Variants in MAP4K3 observed in about 807,000 individuals in gnomAD.
MAP4K3 encodes the protein mitogen-activated protein kinase kinase kinase kinase 3, also known as MAPK/ERK kinase kinase kinase 3.
A neutral mutation model predicts 143.5 loss-of-function variants in MAP4K3; 94 were observed. That is an observed-to-expected ratio of 0.65 (90% CI 0.55 to 0.78). The LOEUF (loss-of-function observed/expected upper bound fraction) is 0.78, where lower values mean the gene tolerates loss of function less well. MAP4K3 is among the 30% of genes least tolerant of loss of function. The probability of loss-of-function intolerance (pLI) is 0.00; values close to 1 mark genes in which losing one functional copy is unlikely to be tolerated. For missense variants in MAP4K3, 1,077 were observed against 1,068.1 expected (o/e 1.01, Z -0.12); for synonymous variants, 416 against 347.2 (o/e 1.20, Z -2.20).
At chr2:39,263,239 T>C (rs1680635082) in intron 28 of MAP4K3, among the ~76,000 whole-genome samples, 1 of 151,938 alleles carries the variant, frequency 6.6e-6, no homozygotes, top group African/African-American at 2.4e-5. Flanking sequence ...ATAGAAATAA[T>C]GTTAAATATG....
intron 8 of MAP4K3, among the ~76,000 whole-genome samples, chr2:39,327,669 C>A (rs1326474031): frequency 6.6e-6 from 1 of 152,188 alleles, no homozygotes; most frequent in Non-Finnish European, 1.5e-5. Context: ...AACCCCTGGT[C>A]TTAAAATCTT....
At chr2:39,408,483 T>C (rs1191599057) in intron 1 of MAP4K3, among the ~76,000 whole-genome samples, 3 of 152,276 alleles carry the variant, frequency 2.0e-5, no homozygotes, top group Admixed American at 6.5e-5. Flanking sequence ...AATTTCATCA[T>C]TGAAGATATA....
intron 1 of MAP4K3, among the ~76,000 whole-genome samples, chr2:39,412,195 G>GT (rs1183825801): frequency 9.2e-5 from 14 of 152,188 alleles, no homozygotes; most frequent in Admixed American, 9.2e-4. Context: ...GGCAAAATCA[G>GT]TAACAGCTAG....
intron 1 of MAP4K3, among the ~76,000 whole-genome samples, chr2:39,407,242 A>T (rs921184757): frequency 6.6e-6 from 1 of 152,220 alleles, no homozygotes; most frequent in African/African-American, 2.4e-5. Flanking sequence ...CATATGAAAA[A>T]GACCTAAAGC....
intron 12 of MAP4K3, among the ~76,000 whole-genome samples, chr2:39,324,180 A>G (rs7574250): frequency 0.89 from 135,385 of 152,178 alleles, 60,428 homozygotes; most frequent in Non-Finnish European, 0.92. Flanking sequence ...AGGCCGAGGC[A>G]GGCAGATCAC....
chr2:39,409,783 T>A (rs1667189071), intron 1 of MAP4K3, among the ~76,000 whole-genome samples: 1 of 152,218 alleles, frequency 6.6e-6, no homozygotes, highest in African/African-American at 2.4e-5. Flanking sequence ...GGAATCTCTG[T>A]TTATGTTACA....
At position 39,392,765 on chromosome 2, in the gene MAP4K3, G is replaced by T. The variant is rs183758278; in HGVS notation, c.97-14642C>A. The stretch of plus-strand genomic sequence containing the variant: ...GGTTGTTTATCTTGAGACTGAGTTG[G>T]TTATAAAAGTGAGTTTGGCTCCCTT... On this transcript the variant is annotated intron_variant, in intron 1 of 33. Coordinates refer to ENST00000263881, the MANE Select transcript of MAP4K3 (RefSeq NM_003618.4). 4.9e-3 allele frequency among the ~76,000 whole-genome samples: 741 copies of T among 152,274 alleles called. 10 individuals carry two copies. Among genetic ancestry groups the T allele is most frequent in the African/African-American group, 0.017 (706 of 41,560 alleles).
chr2:39,261,614 G>A (rs1680571499), intron 28 of MAP4K3, among the ~76,000 whole-genome samples: 1 of 152,078 alleles, frequency 6.6e-6, no homozygotes, highest in Non-Finnish European at 1.5e-5. Context: ...TTAGGACCTT[G>A]CAATAATACT....
intron 28 of MAP4K3, 74 bp from the exon 29 acceptor site, chr2:39,260,851 C>A: frequency 1.0e-6 from 1 of 987,434 alleles, no homozygotes. Context: ...TACTATAAAA[C>A]AGCTTTCTAC....
chr2:39,424,195 C>T (rs566820024), intron 1 of MAP4K3, among the ~76,000 whole-genome samples: 5 of 152,172 alleles, frequency 3.3e-5, no homozygotes, highest in Non-Finnish European at 7.3e-5. Flanking sequence ...CCACCCGCCT[C>T]GGCCTCCCAA....
At chr2:39,342,768 T>C (rs965556404) in intron 4 of MAP4K3, among the ~76,000 whole-genome samples, 1 of 151,976 alleles carries the variant, frequency 6.6e-6, no homozygotes, top group Non-Finnish European at 1.5e-5. Flanking sequence ...AGAAAAAAGG[T>C]CCACAATATT....
chr2:39,399,400 A>G (rs1465418346), intron 1 of MAP4K3, among the ~76,000 whole-genome samples: 1 of 152,204 alleles, frequency 6.6e-6, no homozygotes, highest in Non-Finnish European at 1.5e-5. Flanking sequence ...CCTTCAATCC[A>G]GTCAAAGAAT....
chr2:39,352,172 T>C (rs1665479756), intron 3 of MAP4K3, among the ~76,000 whole-genome samples: 1 of 152,068 alleles, frequency 6.6e-6, no homozygotes, highest in South Asian at 2.1e-4. Context: ...GCGCCCGTAA[T>C]CCCAGCTACT....
chr2:39,387,040 C>T (rs769721712), intron 1 of MAP4K3, among the ~76,000 whole-genome samples: 23 of 152,142 alleles, frequency 1.5e-4, no homozygotes, highest in Non-Finnish European at 3.1e-4. Context: ...TCGCCAACTC[C>T]TGACCTCAAG....
rs55967570 is a variant in MAP4K3, at chr2:39,368,305, A to G, written c.154+9761T>C. Among the ~76,000 whole-genome samples the G allele has an allele frequency of 8.7e-3, 1,328 of 151,978 alleles. 20 individuals carry two copies. The highest frequency in any genetic ancestry group is 0.03 in the African/African-American group (1,236 of 41,424). Reference sequence around the variant, plus strand: ...CACGGTGTAGATTTTAAGGGAAGTGAAGAATACAATGGGCAAAAAATTTTC... The same window carrying G: ...CACGGTGTAGATTTTAAGGGAAGTGGAGAATACAATGGGCAAAAAATTTTC... On this transcript the variant is annotated intron_variant, in intron 2 of 33. Transcript: ENST00000263881.
rs751314409 is a variant in MAP4K3 at position 39,436,999 on chromosome 2, G to C, written c.-12C>G. ...AAGCCGGGGTTCATGGCGGGCCCCAGGTGCCCCCCGCCTCCCTCCCGGGCA... is the reference window on the plus strand; with the variant it reads ...AAGCCGGGGTTCATGGCGGGCCCCACGTGCCCCCCGCCTCCCTCCCGGGCA... On this transcript the variant is annotated 5_prime_UTR_variant, in exon 1 of 34. Coordinates refer to ENST00000263881, the MANE Select transcript of MAP4K3 (RefSeq NM_003618.4). The C allele has an allele frequency of 6.2e-7, 1 of 1,606,668 alleles. No homozygotes were observed. Among genetic ancestry groups the C allele is most frequent in the Non-Finnish European group, 8.5e-7 (1 of 1,176,600 alleles).
chr2:39,269,898 C>T (rs1333616228), intron 26 of MAP4K3, among the ~76,000 whole-genome samples: 2 of 151,998 alleles, frequency 1.3e-5, no homozygotes, highest in African/African-American at 2.4e-5. Flanking sequence ...ATAAAAATGC[C>T]CCTTTCATAT....
intron 24 of MAP4K3, among the ~76,000 whole-genome samples, chr2:39,276,409 G>T (rs1325561435): frequency 6.6e-6 from 1 of 152,140 alleles, no homozygotes; most frequent in Non-Finnish European, 1.5e-5. Context: ...GTCAATTCTA[G>T]ATCTCTGATC....
At chr2:39,348,476 G>A (rs998319552) in intron 3 of MAP4K3, among the ~76,000 whole-genome samples, 1 of 152,078 alleles carries the variant, frequency 6.6e-6, no homozygotes. Context: ...TTAGAGAAAT[G>A]ACTTTCATCT....
Sources: allele counts gnomAD v4.1 joint callset (sites outside exome capture counted in the v4.1 genomes callset), GRCh38; gene constraint gnomAD v4.1.1; transcripts MANE v1.5; gene names NCBI Gene and HGNC (gene_info 2026-07-23, HGNC 2026-07-21).